Variants in DGKB observed in about 807,000 individuals in gnomAD.
The protein encoded by DGKB is diacylglycerol kinase beta.
A neutral mutation model predicts 114.3 loss-of-function variants in DGKB; 67 were observed. That is an observed-to-expected ratio of 0.59 (90% confidence interval 0.48 to 0.72). DGKB has a LOEUF of 0.72. DGKB is among the 30% of genes least tolerant of loss of function. DGKB has a pLI of 0.00. For synonymous variants in DGKB, 398 were observed against 323.1 expected (o/e 1.23, Z -2.49); for missense variants, 907 against 975.2 (o/e 0.93, Z 0.93).
intron 6 of DGKB, among the ~76,000 whole-genome samples, chr7:14,712,139 G>T (rs1026444808): frequency 6.6e-6 from 1 of 152,000 alleles, no homozygotes; most frequent in African/African-American, 2.4e-5. Flanking sequence ...TAAATGTAAG[G>T]AAAAAGTGGG....
At chr7:14,236,143 A>G (rs925060342) in intron 23 of DGKB, among the ~76,000 whole-genome samples, 40 of 152,076 alleles carry the variant, frequency 2.6e-4, no homozygotes, top group African/African-American at 9.7e-4. Context: ...TTGCAGTTAC[A>G]GGCTTTTCAA....
intron 21 of DGKB, among the ~76,000 whole-genome samples, chr7:14,350,409 A>G (rs906478787): frequency 6.6e-6 from 1 of 151,908 alleles, no homozygotes; most frequent in Non-Finnish European, 1.5e-5. Flanking sequence ...AAACAAACAA[A>G]CGAAACAGTA....
chr7:14,228,387 T>C (rs1791164709), intron 23 of DGKB, among the ~76,000 whole-genome samples: 1 of 152,044 alleles, frequency 6.6e-6, no homozygotes, highest in South Asian at 2.1e-4. Context: ...TTTTAGTTGC[T>C]GTAACTTTCT....
intron 1 of DGKB, among the ~76,000 whole-genome samples, chr7:14,911,037 A>G (rs771644431): frequency 2.2e-4 from 34 of 152,132 alleles, no homozygotes; most frequent in Non-Finnish European, 4.4e-4. Flanking sequence ...CTTTATGCCA[A>G]AGTAAGAAAT....
chr7:14,333,553 G>A (rs1258417512), intron 23 of DGKB, among the ~76,000 whole-genome samples: 1 of 151,120 alleles, frequency 6.6e-6, no homozygotes, highest in Non-Finnish European at 1.5e-5. Flanking sequence ...ATTTTTCATA[G>A]ATTTCTGCAT....
At chr7:14,748,638 C>G (rs1833703944) in intron 4 of DGKB, among the ~76,000 whole-genome samples, 1 of 152,096 alleles carries the variant, frequency 6.6e-6, no homozygotes, top group Admixed American at 6.6e-5. Flanking sequence ...GCAGAGCATA[C>G]AGGATATTAG....
chr7:14,352,571 T>C (rs1013069615), intron 21 of DGKB, among the ~76,000 whole-genome samples: 3 of 152,118 alleles, frequency 2.0e-5, no homozygotes, highest in African/African-American at 7.2e-5. Flanking sequence ...AAACGTAAAA[T>C]GAAACATGTA....
At chr7:14,943,220 T>G (rs900569364) in intron 1 of DGKB, among the ~76,000 whole-genome samples, 3 of 151,984 alleles carry the variant, frequency 2.0e-5, no homozygotes, top group African/African-American at 7.2e-5. Flanking sequence ...TAGATACAAA[T>G]ATTACACATT....
chr7:14,592,438 A>G (rs1801862878), intron 17 of DGKB, among the ~76,000 whole-genome samples: 1 of 151,964 alleles, frequency 6.6e-6, no homozygotes, highest in Non-Finnish European at 1.5e-5. Flanking sequence ...TTATACTTGC[A>G]TGTACACAGT....
intron 19 of DGKB, among the ~76,000 whole-genome samples, chr7:14,579,698 G>C (rs893079607): frequency 6.6e-6 from 1 of 151,978 alleles, no homozygotes; most frequent in African/African-American, 2.4e-5. Context: ...ACTTAGTCAA[G>C]CACGTATACA....
At chr7:14,466,200 G>T (rs753863916) in intron 21 of DGKB, among the ~76,000 whole-genome samples, 1 of 152,016 alleles carries the variant, frequency 6.6e-6, no homozygotes, top group South Asian at 2.1e-4. Flanking sequence ...ACGAACAAGC[G>T]CTCATTGAGT....
chr7:14,342,071 C>G (rs1277538743), intron 22 of DGKB, among the ~76,000 whole-genome samples: 3 of 151,796 alleles, frequency 2.0e-5, no homozygotes, highest in African/African-American at 7.2e-5. Context: ...TCTAAGAACT[C>G]TGTTTTCCAG....
Position 14,933,108 on chromosome 7 carries a change from C to G in DGKB, c.-188+41588G>C, listed in dbSNP as rs1428351928. Among the ~76,000 whole-genome samples the G allele has an allele frequency of 3.9e-5, 6 of 152,134 alleles. 1 individual carries two copies. Among genetic ancestry groups the G allele is most frequent in the Admixed American group, 3.9e-4 (6 of 15,264 alleles). On this transcript the variant is annotated intron_variant, in intron 1 of 4. Coordinates refer to the DGKB transcript ENST00000437998. ...AACTCCCACCTTTGTTGTCACAGAG[C>G]ATATTATAAAAATGATGAACCTGGC... is the stretch of plus-strand genomic sequence containing the variant.
At chr7:14,270,873 T>C (rs897614061) in intron 23 of DGKB, among the ~76,000 whole-genome samples, 1 of 152,126 alleles carries the variant, frequency 6.6e-6, no homozygotes, top group African/African-American at 2.4e-5. Context: ...AGCAAACAAG[T>C]AAAATATGAT....
At chr7:14,294,107 T>C (rs1211417594) in intron 23 of DGKB, among the ~76,000 whole-genome samples, 1 of 152,134 alleles carries the variant, frequency 6.6e-6, no homozygotes, top group Non-Finnish European at 1.5e-5. Flanking sequence ...ACCATCTGTA[T>C]TGCATGGCTC....
intron 12 of DGKB, among the ~76,000 whole-genome samples, chr7:14,673,750 A>T (rs921873025): frequency 6.6e-6 from 1 of 152,054 alleles, no homozygotes; most frequent in Non-Finnish European, 1.5e-5. Flanking sequence ...TGATGTTTTA[A>T]AACTGAGATG....
chr7:14,694,566 G>A (rs772638219), intron 8 of DGKB, among the ~76,000 whole-genome samples: 7 of 152,138 alleles, frequency 4.6e-5, no homozygotes, highest in Non-Finnish European at 7.3e-5. Flanking sequence ...ATGGCAAAGA[G>A]CTCATATAAT....
intron 21 of DGKB, among the ~76,000 whole-genome samples, chr7:14,476,565 A>T (rs1782200117): frequency 6.6e-6 from 1 of 152,136 alleles, no homozygotes; most frequent in Non-Finnish European, 1.5e-5. Context: ...TGTGTGAATT[A>T]TTCTGAAAAT....
At chr7:14,541,787 A>T (rs1295121347) in intron 20 of DGKB, among the ~76,000 whole-genome samples, 1 of 152,196 alleles carries the variant, frequency 6.6e-6, no homozygotes, top group Non-Finnish European at 1.5e-5. Context: ...TGCATTCCCA[A>T]TTTGACGTCA....
Sources: gnomAD v4.1 joint callset for allele counts (sites outside exome capture counted in the v4.1 genomes callset) on GRCh38, gnomAD v4.1.1 for gene constraint, MANE v1.5 for transcripts, NCBI Gene and HGNC (gene_info 2026-07-23, HGNC 2026-07-21) for gene names.